The following PSMG2 variants were observed in gnomAD, a reference collection of about 807,000 sequenced individuals.
PSMG2 encodes the protein CD40 ligand-activated specific transcript 3.
Under a neutral mutation model 31.5 loss-of-function variants are expected in PSMG2, and 21 were observed. The ratio of observed to expected loss-of-function variants is 0.67; its 90% CI spans 0.47 to 0.96. The LOEUF (loss-of-function observed/expected upper bound fraction) is 0.96, where lower values mean the gene tolerates loss of function less well. Among genes scored for constraint, PSMG2 ranks in the 40% least tolerant of loss-of-function variants. The pLI is 0.00. For missense variants in PSMG2, 318 were observed against 321.2 expected, an observed-to-expected ratio of 0.99 and a Z score of 0.08; for synonymous variants, 120 against 110.4, an observed-to-expected ratio of 1.09 and a Z score of -0.54.
chr18:12,711,750 CTTTTTT>C (rs34631690), intron 2 of PSMG2, among the ~76,000 whole-genome samples: 1 of 97,572 alleles, frequency 1.0e-5, no homozygotes, highest in African/African-American at 4.0e-5. Flanking sequence ...GCTTCTCATT[CTTTTTT>C]TTTTTTTTTT....
Position 12,718,419 on chromosome 18 carries a change from CATT to C in PSMG2, c.289-95_289-93del, listed in dbSNP as rs201868322. On this transcript the variant is annotated intron_variant, in intron 3 of 6. Coordinates refer to ENST00000317615, the MANE Select transcript of PSMG2 (RefSeq NM_020232.5). ...ATTTCAGTATATATAAATTATATAT[CATT>C]ATCACATAAAGTTGATGAAATAGTA... 3.4e-3 allele frequency: 1,950 copies of C among 574,056 alleles called. 39 individuals carry two copies. The highest frequency in any genetic ancestry group is 0.03 in the African/African-American group (1,619 of 53,586). 35.6% of individuals were successfully genotyped at this position (574,056 alleles called of 1,614,324 possible).
In PSMG2 at chr18:12,671,888, T is replaced by TTGGCTCATCACAAC. The variant is rs1194457789; in HGVS notation, c.-37+13116_-37+13129dup. On this transcript the variant is annotated intron_variant, in intron 1 of 6. Transcript: ENST00000585331. ...CACGCTGGAGTACAGTGGCATGATC[T>TTGGCTCATCACAAC]TGGCTCATCACAACCTCCGCCTCCC... is the stretch of plus-strand genomic sequence containing the variant. Among the ~76,000 whole-genome samples, 10 of 152,276 alleles carry TTGGCTCATCACAAC rather than the reference T, an allele frequency of 6.6e-5. No homozygotes were observed. In the East Asian group the frequency reaches 1.9e-3, roughly 29 times the overall value.
chr18:12,662,752 G>A (rs1043660024), intron 1 of PSMG2, among the ~76,000 whole-genome samples: 2 of 152,210 alleles, frequency 1.3e-5, no homozygotes, highest in African/African-American at 4.8e-5. Context: ...CCTCCAGCCT[G>A]GGCGATAGAG....
At chr18:12,716,237 T>C (rs2040374943) in intron 3 of PSMG2, among the ~76,000 whole-genome samples, 1 of 152,232 alleles carries the variant, frequency 6.6e-6, no homozygotes, top group African/African-American at 2.4e-5. Context: ...ACTGCTTTCT[T>C]TAGTTAACAT....
chr18:12,709,990 T>A (rs1330362132), intron 2 of PSMG2, among the ~76,000 whole-genome samples: 1 of 150,070 alleles, frequency 6.7e-6, no homozygotes, highest in Non-Finnish European at 1.5e-5. Context: ...TCGCCCAGTC[T>A]GGAGTGCGGT....
At chr18:12,676,591 A>G (rs2039144830) in intron 1 of PSMG2, among the ~76,000 whole-genome samples, 1 of 152,060 alleles carries the variant, frequency 6.6e-6, no homozygotes, top group African/African-American at 2.4e-5. Context: ...AATTTTTATA[A>G]GATATTGCTT....
At chr18:12,669,032 C>CT (rs71174122) in intron 1 of PSMG2, among the ~76,000 whole-genome samples, 3,448 of 41,830 alleles carry the variant, frequency 0.082, 1,170 homozygotes, top group East Asian at 0.11. Context: ...ACCCCCCGCA[C>CT]TTTTTTTTTT....
intron 1 of PSMG2, among the ~76,000 whole-genome samples, chr18:12,703,468 C>T (rs1463850188): frequency 6.6e-6 from 1 of 152,328 alleles, no homozygotes; most frequent in African/African-American, 2.4e-5. Context: ...TCAGTTTTAT[C>T]CTAGAAAGTC....
rs1339156719 is a variant in PSMG2, at chr18:12,708,951, A to T, written c.229+2230A>T. On this transcript the variant is annotated intron_variant, in intron 2 of 6. Coordinates refer to ENST00000317615, the MANE Select transcript of PSMG2 (RefSeq NM_020232.5). Reference sequence around the variant, plus strand: ...GGTCTCAAACTCCTGATCTCAGATGATCCGCCTGCCTCGTCCTCCCAAAGT... The same window carrying T: ...GGTCTCAAACTCCTGATCTCAGATGTTCCGCCTGCCTCGTCCTCCCAAAGT... 5.9e-5 allele frequency among the ~76,000 whole-genome samples: 9 copies of T among 151,842 alleles called. No individual in the cohort carries two copies. The East Asian group carries it at 1.8e-3, about 30-fold the overall frequency.
intron 1 of PSMG2, chr18:12,685,756 T>G (rs945433479): frequency 2.6e-5 from 4 of 152,560 alleles, no homozygotes; most frequent in African/African-American, 9.7e-5. Flanking sequence ...CTCAGCCTCC[T>G]GAGTAGCTGG....
intron 1 of PSMG2, among the ~76,000 whole-genome samples, chr18:12,668,570 C>G (rs938456178): frequency 4.3e-5 from 5 of 116,402 alleles, no homozygotes; most frequent in African/African-American, 1.6e-4. Flanking sequence ...TGCACTCCAG[C>G]CTGGGAGACA....
intron 1 of PSMG2, among the ~76,000 whole-genome samples, chr18:12,671,650 T>C (rs1243844035): frequency 1.5e-5 from 2 of 137,066 alleles, no homozygotes; most frequent in Non-Finnish European, 3.1e-5. Flanking sequence ...TTCTTTTTTT[T>C]TTTTTTTTTT....
intron 1 of PSMG2, among the ~76,000 whole-genome samples, chr18:12,704,232 G>T (rs2040236424): frequency 6.6e-6 from 1 of 152,190 alleles, no homozygotes; most frequent in Non-Finnish European, 1.5e-5. Context: ...CCATATTGGA[G>T]TGGGTTGAAT....
intron 2 of PSMG2, among the ~76,000 whole-genome samples, chr18:12,711,733 C>G (rs1161184566): frequency 1.3e-5 from 2 of 149,710 alleles, no homozygotes; most frequent in Non-Finnish European, 3.0e-5. Context: ...TTATCCCTGA[C>G]TCAGGAGCTT....
At chr18:12,695,953 T>G (rs903317686) in intron 1 of PSMG2, among the ~76,000 whole-genome samples, 3 of 151,968 alleles carry the variant, frequency 2.0e-5, no homozygotes, top group Non-Finnish European at 4.4e-5. Context: ...ATTATCCAAT[T>G]ACAGGCTGAG....
chr18:12,696,439 G>A (rs1482656245), intron 1 of PSMG2, among the ~76,000 whole-genome samples: 1 of 152,046 alleles, frequency 6.6e-6, no homozygotes, highest in Non-Finnish European at 1.5e-5. Flanking sequence ...GGAGGCGGGG[G>A]TTGCAGTGAG....
At chr18:12,674,868 C>T in intron 1 of PSMG2, 2 of 557,106 alleles carry the variant, frequency 3.6e-6, no homozygotes, top group Non-Finnish European at 6.0e-6. Context: ...TAAAAGCTAT[C>T]ATAATATTTT....
chr18:12,695,354 A>G (rs768836577), intron 1 of PSMG2: 8 of 1,376,966 alleles, frequency 5.8e-6, no homozygotes, highest in Middle Eastern at 2.3e-4. Flanking sequence ...TTCTGTGCCT[A>G]TAAACATAAA....
chr18:12,724,626 TC>T lies in PSMG2; in HGVS notation c.702+8del, dbSNP rs74838724. The T allele has an allele frequency of 9.4e-6, 15 of 1,595,638 alleles. No individual in the cohort carries two copies. In the East Asian group the frequency reaches 3.4e-4, roughly 36 times the overall value. On this transcript the variant is annotated splice_region_variant and intron_variant, in intron 6 of 6. Coordinates refer to ENST00000317615, the MANE Select transcript of PSMG2 (RefSeq NM_020232.5). ...TCAGATACTCAAACCACTTGTAAGT[TC>T]TATTATAGCTTAAGCCTCTTCTTTG...
Sources: allele counts gnomAD v4.1 joint callset (sites outside exome capture counted in the v4.1 genomes callset), GRCh38; gene constraint gnomAD v4.1.1; transcripts MANE v1.5; gene names NCBI Gene and HGNC (gene_info 2026-07-23, HGNC 2026-07-21).